Variants in KCNIP4 observed in about 807,000 individuals in gnomAD.
The protein encoded by KCNIP4 is potassium voltage-gated channel interacting protein 4.
In KCNIP4, 12 loss-of-function variants were observed where a neutral mutation model predicts 34.0. That is an observed-to-expected ratio of 0.35 (90% CI 0.23 to 0.57). The LOEUF (loss-of-function observed/expected upper bound fraction) is 0.57, where lower values mean the gene tolerates loss of function less well. KCNIP4 is among the 20% of genes least tolerant of loss of function. The pLI, the probability that KCNIP4 is intolerant of heterozygous loss-of-function variation, is 0.83. For missense variants in KCNIP4, 238 were observed against 311.7 expected (o/e 0.76, Z 1.78); for synonymous variants, 124 against 102.2 (o/e 1.21, Z -1.29).
chr4:20,729,198 G>GTTAGGATTACTTGTTAT lies in KCNIP4; in HGVS notation c.*867_*883dup. 6.6e-6 allele frequency: 1 copy of GTTAGGATTACTTGTTAT among 151,984 alleles called. No homozygotes were observed. The highest frequency in any genetic ancestry group is 2.3e-4 in the South Asian group (1 of 4,442). 9.4% of individuals were successfully genotyped at this position (151,984 alleles called of 1,614,324 possible). A position where few individuals can be genotyped will look rare whatever the true frequency, so the allele number is the denominator to read the frequency against. ...GAGGACAGATTTGGCCTTTAATGCT[G>GTTAGGATTACTTGTTAT]TTAGGATTACTTGTTATTAAGCATT... is the stretch of plus-strand genomic sequence containing the variant. On this transcript the variant is annotated 3_prime_UTR_variant, in exon 9 of 9. Coordinates refer to ENST00000382152, the MANE Select transcript of KCNIP4 (RefSeq NM_025221.6).
intron 1 of KCNIP4, among the ~76,000 whole-genome samples, chr4:21,306,127 A>G (rs1712437153): frequency 2.0e-5 from 3 of 152,218 alleles, no homozygotes; most frequent in African/African-American, 7.2e-5. Context: ...AGACATTCTA[A>G]AAGTAGGGAT....
intron 1 of KCNIP4, among the ~76,000 whole-genome samples, chr4:20,985,606 A>G (rs1736496989): frequency 2.6e-5 from 4 of 152,188 alleles, no homozygotes; most frequent in Admixed American, 2.6e-4. Flanking sequence ...TGAGCTATAA[A>G]TGGTACATGA....
At chr4:20,807,520 A>C (rs536791426) in intron 3 of KCNIP4, among the ~76,000 whole-genome samples, 60 of 152,272 alleles carry the variant, frequency 3.9e-4, no homozygotes, top group African/African-American at 1.4e-3. Context: ...TGCCTCAGAG[A>C]CATGTGTACT....
chr4:21,170,526 A>T (rs1005741495), intron 1 of KCNIP4, among the ~76,000 whole-genome samples: 17 of 152,272 alleles, frequency 1.1e-4, no homozygotes, highest in Admixed American at 5.2e-4. Flanking sequence ...CTGCAATTTG[A>T]AGTGAGGTAA....
intron 1 of KCNIP4, chr4:21,846,376 T>A (rs993424323): frequency 3.3e-5 from 5 of 152,068 alleles, no homozygotes; most frequent in African/African-American, 7.2e-5. Flanking sequence ...AGATAGAGAA[T>A]GACTAGAGTT....
At chr4:21,111,292 C>CA (rs5856602) in intron 1 of KCNIP4, among the ~76,000 whole-genome samples, 44,204 of 151,888 alleles carry the variant, frequency 0.29, 7,078 homozygotes, top group African/African-American at 0.44. Context: ...GGCTCTGACG[C>CA]GACAAAAGAT....
intron 1 of KCNIP4, among the ~76,000 whole-genome samples, chr4:21,771,152 T>C (rs1010604207): frequency 5.3e-5 from 8 of 152,204 alleles, no homozygotes; most frequent in African/African-American, 1.9e-4. Context: ...TTCAGTTTTC[T>C]GCATATGGCT....
intron 1 of KCNIP4, among the ~76,000 whole-genome samples, chr4:21,510,098 A>G (rs1481110821): frequency 1.3e-5 from 2 of 151,842 alleles, no homozygotes; most frequent in Admixed American, 6.6e-5. Flanking sequence ...AAAAAAAAAA[A>G]AAGGCAGCAA....
At chr4:20,745,078 T>A (rs897400908) in intron 5 of KCNIP4, among the ~76,000 whole-genome samples, 12 of 152,174 alleles carry the variant, frequency 7.9e-5, no homozygotes, top group Non-Finnish European at 8.8e-5. Flanking sequence ...TGTGCTTCTT[T>A]CCTTGCTCAA....
At chr4:21,942,704 A>G (rs150399878) in intron 1 of KCNIP4, among the ~76,000 whole-genome samples, 3 of 152,372 alleles carry the variant, frequency 2.0e-5, no homozygotes, top group Non-Finnish European at 4.4e-5. Context: ...CCATGGGACA[A>G]CGTGATTTAA....
At chr4:21,240,314 T>C (rs7686826) in intron 1 of KCNIP4, among the ~76,000 whole-genome samples, 37,686 of 137,910 alleles carry the variant, frequency 0.27, 4,970 homozygotes, top group South Asian at 0.46. Context: ...ACATGGCACA[T>C]GTATACATAT....
intron 1 of KCNIP4, among the ~76,000 whole-genome samples, chr4:21,675,142 T>C (rs182245858): frequency 6.6e-5 from 10 of 152,294 alleles, no homozygotes; most frequent in South Asian, 2.1e-4. Flanking sequence ...CAGTCATTTG[T>C]AACATCAATA....
chr4:21,189,944 T>C (rs11947654), intron 1 of KCNIP4, among the ~76,000 whole-genome samples: 1,672 of 152,352 alleles, frequency 0.011, 38 homozygotes, highest in African/African-American at 0.038. Flanking sequence ...TACAACTTTG[T>C]AGTTTAAGTC....
At chr4:20,784,076 T>G (rs935555907) in intron 3 of KCNIP4, among the ~76,000 whole-genome samples, 5 of 152,196 alleles carry the variant, frequency 3.3e-5, no homozygotes, top group Non-Finnish European at 7.3e-5. Flanking sequence ...AAAACTCACA[T>G]TCAAACACTA....
intron 1 of KCNIP4, among the ~76,000 whole-genome samples, chr4:21,609,557 A>G (rs1007488268): frequency 6.6e-6 from 1 of 152,220 alleles, no homozygotes; most frequent in Admixed American, 6.5e-5. Context: ...CTGAAGATAG[A>G]AAAATTTGCT....
intron 1 of KCNIP4, among the ~76,000 whole-genome samples, chr4:21,100,671 C>T (rs1411923014): frequency 6.6e-6 from 1 of 152,184 alleles, no homozygotes; most frequent in Admixed American, 6.6e-5. Context: ...AAGATTATGA[C>T]TTGCTGAAGG....
chr4:21,475,878 C>T lies in KCNIP4; in HGVS notation c.61+472693G>A, dbSNP rs7655250. On this transcript the variant is annotated intron_variant, in intron 1 of 8. Coordinates refer to ENST00000382152, the MANE Select transcript of KCNIP4 (RefSeq NM_025221.6). ...ACCATGTTATTTAATTTTTAATTTC[C>T]GCAAACCTCACTTTAAAATGCATAA... Among the ~76,000 whole-genome samples, 146 of 151,990 alleles carry T rather than the reference C, an allele frequency of 9.6e-4. 1 individual carries two copies. Among genetic ancestry groups the T allele is most frequent in the African/African-American group, 3.0e-3 (126 of 41,436 alleles).
chr4:21,447,463 T>C (rs150713970), intron 1 of KCNIP4, among the ~76,000 whole-genome samples: 1 of 152,172 alleles, frequency 6.6e-6, no homozygotes, highest in Non-Finnish European at 1.5e-5. Flanking sequence ...AAGTATATGC[T>C]AATTTATCAT....
chr4:21,786,519 TTA>T (rs35946895), intron 1 of KCNIP4, among the ~76,000 whole-genome samples: 53,603 of 151,704 alleles, frequency 0.35, 10,871 homozygotes, highest in East Asian at 0.66. Flanking sequence ...GTTTATTTAT[TTA>T]TATGTTATTT....
Sources: allele counts gnomAD v4.1 joint callset (sites outside exome capture counted in the v4.1 genomes callset), GRCh38; gene constraint gnomAD v4.1.1; transcripts MANE v1.5; gene names NCBI Gene and HGNC (gene_info 2026-07-23, HGNC 2026-07-21).